Variants in WNT5B observed in about 807,000 individuals in gnomAD.
WNT5B encodes Wnt family member 5B.
WNT5B carries 18 observed loss-of-function variants against 36.5 expected under a neutral mutation model. The observed-to-expected ratio is 0.49, with a 90% confidence interval of 0.34 to 0.73. The LOEUF (loss-of-function observed/expected upper bound fraction) is 0.73, where lower values mean the gene tolerates loss of function less well. WNT5B is among the 30% of genes least tolerant of loss of function. The pLI is 0.01. For synonymous variants in WNT5B, 213 were observed against 212.3 expected, an observed-to-expected ratio of 1.00 and a Z score of -0.03; for missense variants, 424 against 508.4, an observed-to-expected ratio of 0.83 and a Z score of 1.60.
chr12:1,645,937 G>A lies in WNT5B; in HGVS notation c.765G>A (p.Met255Ile). The change falls in exon 5 of 5, where the codon ATG (methionine) becomes ATA (isoleucine). Residue 255 changes from methionine (M) to isoleucine (I), a missense_variant. Physicochemically the swap from Met to Ile is conservative, Grantham distance 10. Coordinates refer to ENST00000397196, the MANE Select transcript of WNT5B (RefSeq NM_032642.3). ...LKEKYDSAAAMRVTRKGRLEL... is the reference protein window; with the variant it reads ...LKEKYDSAAAIRVTRKGRLEL... The stretch of plus-strand genomic sequence containing the variant: ...AGAAGTACGACAGCGCGGCCGCCAT[G>A]CGCGTCACCCGCAAGGGCCGGCTGG... 6.2e-7 allele frequency: 1 copy of A among 1,610,234 alleles called. No homozygotes were observed. The highest frequency in any genetic ancestry group is 8.5e-7 in the Non-Finnish European group (1 of 1,179,834).
chr12:1,626,706 A>C (rs573392062), upstream of WNT5B, among the ~76,000 whole-genome samples: 1 of 151,734 alleles, frequency 6.6e-6, no homozygotes, highest in Non-Finnish European at 1.5e-5. Flanking sequence ...CTGGGACTAC[A>C]GGCGCCCGCC....
At chr12:1,643,909 G>A (rs1027543179) in intron 4 of WNT5B, among the ~76,000 whole-genome samples, 1 of 151,962 alleles carries the variant, frequency 6.6e-6, no homozygotes, top group Admixed American at 6.6e-5. Context: ...GATGGAGGGG[G>A]TGTTTAAGCT....
intron 4 of WNT5B, among the ~76,000 whole-genome samples, chr12:1,641,445 G>A (rs928117948): frequency 4.6e-5 from 7 of 151,764 alleles, no homozygotes; most frequent in Non-Finnish European, 7.4e-5. Context: ...GCACCCTGGT[G>A]ATTCAGTAAC....
At chr12:1,640,954 T>C (rs1218193383) in intron 4 of WNT5B, among the ~76,000 whole-genome samples, 1 of 152,192 alleles carries the variant, frequency 6.6e-6, no homozygotes, top group East Asian at 1.9e-4. Context: ...GGTGAGAGGC[T>C]CTTTCTCCTG....
intron 1 of WNT5B, among the ~76,000 whole-genome samples, chr12:1,623,320 C>T (rs897795528): frequency 1.0e-5 from 1 of 99,018 alleles, no homozygotes; most frequent in Non-Finnish European, 2.2e-5. Flanking sequence ...CTCAGCCTCC[C>T]GAGTAGCTGG....
At chr12:1,642,833 C>T (rs1592539193) in intron 4 of WNT5B, among the ~76,000 whole-genome samples, 1 of 152,288 alleles carries the variant, frequency 6.6e-6, no homozygotes. Context: ...GGCCCCACAC[C>T]TCTCCTCTTC....
rs770272323 is a variant in WNT5B at position 1,632,187 on chromosome 12, G to T, written c.81-471G>T. Among the ~76,000 whole-genome samples, 1 of 152,222 alleles carries T rather than the reference G, an allele frequency of 6.6e-6. No individual in the cohort carries two copies. The highest frequency in any genetic ancestry group is 2.4e-5 in the African/African-American group (1 of 41,456). On this transcript the variant is annotated intron_variant, in intron 2 of 4. Transcript: ENST00000397196. The surrounding 1 kb of genome is among the most constrained non-coding windows in gnomAD (Gnocchi z 5.8). ...TTGATTGCTTTCCATGGCTTATCAT[G>T]TACTTGGGCTGCACTGAACTAGTCA...
At chr12:1,637,047 A>G (rs2094563154) in intron 3 of WNT5B, among the ~76,000 whole-genome samples, 1 of 152,170 alleles carries the variant, frequency 6.6e-6, no homozygotes, top group Non-Finnish European at 1.5e-5. Flanking sequence ...GAGATGGGGT[A>G]CTGCTATGTT....
intron 3 of WNT5B, among the ~76,000 whole-genome samples, chr12:1,635,732 C>T (rs774245695): frequency 5.9e-5 from 9 of 152,248 alleles, no homozygotes; most frequent in Non-Finnish European, 1.3e-4. Context: ...GACCCTCCTC[C>T]CTGAGAGGCT....
chr12:1,626,672 C>A (rs2094541631), upstream of WNT5B, among the ~76,000 whole-genome samples: 1 of 152,126 alleles, frequency 6.6e-6, no homozygotes, highest in African/African-American at 2.4e-5. Context: ...TCACGCCATT[C>A]TCCTGCCTCA....
intron 1 of WNT5B, among the ~76,000 whole-genome samples, chr12:1,620,644 T>C (rs1343038226): frequency 6.6e-6 from 1 of 151,898 alleles, no homozygotes; most frequent in African/African-American, 2.4e-5. Flanking sequence ...GTTCAAGTGA[T>C]TCTCCTGCCT....
At chr12:1,637,893 C>A (rs779317656) in intron 3 of WNT5B, among the ~76,000 whole-genome samples, 4 of 152,086 alleles carry the variant, frequency 2.6e-5, no homozygotes, top group Non-Finnish European at 5.9e-5. Flanking sequence ...TAAGTACATG[C>A]TGTTGGAAAA....
chr12:1,638,780 A>G (rs11061889), intron 3 of WNT5B, among the ~76,000 whole-genome samples: 11,492 of 152,080 alleles, frequency 0.076, 752 homozygotes, highest in East Asian at 0.28. Context: ...CCTGTGGAAG[A>G]GAGAGGAAGA....
Position 1,639,801 on chromosome 12 carries a change from C to T in WNT5B, c.446C>T (p.Pro149Leu), listed in dbSNP as rs1592535179. 1 of 1,613,170 alleles carries T rather than the reference C, an allele frequency of 6.2e-7. No individual in the cohort carries two copies. The highest frequency in any genetic ancestry group is 8.5e-7 in the Non-Finnish European group (1 of 1,179,624). The change falls in exon 4 of 5, where the codon CCC (proline) becomes CTC (leucine). Residue 149 changes from proline to leucine, a missense_variant. Physicochemically the swap from Pro to Leu is moderately conservative, Grantham distance 98 (BLOSUM62 -3). Transcript: ENST00000397196. Reference protein sequence around the residue: ...STCGCSRTARPKDLPRDWLWG... With the variant: ...STCGCSRTARLKDLPRDWLWG... ...TGCGGCTGCAGCCGGACGGCGCGGC[C>T]CAAGGACCTGCCCCGGGACTGGCTG...
At chr12:1,626,778 G>A (rs560271412), upstream of WNT5B, among the ~76,000 whole-genome samples, 1 of 151,082 alleles carries the variant, frequency 6.6e-6, no homozygotes, top group East Asian at 2.0e-4. Flanking sequence ...TGTTAGCCAG[G>A]ATGGTCTCGA....
At chr12:1,629,212 G>C (rs2094545607), upstream of WNT5B, 1 of 152,256 alleles carries the variant, frequency 6.6e-6, no homozygotes, top group Admixed American at 6.5e-5. Flanking sequence ...TAGTTACCGT[G>C]TCAGCCTGTC....
intron 4 of WNT5B, among the ~76,000 whole-genome samples, chr12:1,640,614 A>C (rs1027071851): frequency 1.3e-5 from 2 of 152,206 alleles, no homozygotes; most frequent in African/African-American, 4.8e-5. Context: ...AGAAGCAACC[A>C]TGCAGGTTTG....
rs930600625 is a variant in WNT5B at position 1,639,793 on chromosome 12, G to C, written c.438G>C (p.Thr146=). 1.2e-6 allele frequency: 2 copies of C among 1,611,888 alleles called. No individual in the cohort carries two copies. The highest frequency in any genetic ancestry group is 1.7e-6 in the Non-Finnish European group (2 of 1,179,094). Residue 146 remains threonine, a synonymous_variant, in exon 4 of 5, where the codon ACG becomes ACC. Coordinates refer to ENST00000397196, the MANE Select transcript of WNT5B (RefSeq NM_032642.3). ...GELSTCGCSR[T]ARPKDLPRDW... Reference sequence around the variant, plus strand: ...TCTCCACCTGCGGCTGCAGCCGGACGGCGCGGCCCAAGGACCTGCCCCGGG... The same window carrying C: ...TCTCCACCTGCGGCTGCAGCCGGACCGCGCGGCCCAAGGACCTGCCCCGGG...
chr12:1,640,069 C>T (rs1163487746), intron 4 of WNT5B, 93 bp downstream of exon 4: 4 of 1,417,660 alleles, frequency 2.8e-6, no homozygotes, highest in South Asian at 2.7e-5. Flanking sequence ...TTCAAGGAAA[C>T]GGGTTAGTCT....
Sources: gnomAD v4.1 joint callset for allele counts (sites outside exome capture counted in the v4.1 genomes callset) on GRCh38, gnomAD v4.1.1 for gene constraint, Gnocchi (gnomAD v3.1) non-coding constraint, MANE v1.5 for transcripts, NCBI Gene and HGNC (gene_info 2026-07-23, HGNC 2026-07-21) for gene names.